The following ADAMTSL1 variants were observed in gnomAD, a reference collection of about 807,000 sequenced individuals.
ADAMTSL1 encodes the protein ADAMTS like 1.
A neutral mutation model predicts 201.8 loss-of-function variants in ADAMTSL1; 126 were observed. The ratio of observed to expected loss-of-function variants is 0.62; its 90% CI spans 0.54 to 0.72. The LOEUF (loss-of-function observed/expected upper bound fraction) is 0.72, where lower values mean the gene tolerates loss of function less well. Ranked by LOEUF, ADAMTSL1 falls within the 30% of genes least tolerant of loss-of-function variation. The probability of loss-of-function intolerance (pLI) is 0.00; values close to 1 mark genes in which losing one functional copy is unlikely to be tolerated. For synonymous variants in ADAMTSL1, 1,121 were observed against 903.4 expected, an observed-to-expected ratio of 1.24 and a Z score of -4.32; for missense variants, 2,679 against 2,277.8, an observed-to-expected ratio of 1.18 and a Z score of -3.59.
At chr9:17,936,207 A>T (rs1827003057) in intron 1 of ADAMTSL1, among the ~76,000 whole-genome samples, 2 of 152,146 alleles carry the variant, frequency 1.3e-5, no homozygotes, top group Admixed American at 1.3e-4. Flanking sequence ...CTGGTGCCTT[A>T]TGTCATTTTA....
At chr9:18,356,868 C>T (rs1836268719) in intron 2 of ADAMTSL1, among the ~76,000 whole-genome samples, 1 of 152,200 alleles carries the variant, frequency 6.6e-6, no homozygotes, top group African/African-American at 2.4e-5. Flanking sequence ...AAACTTTTCA[C>T]ATACCACACA....
At chr9:18,667,454 G>T (rs376136413) in intron 9 of ADAMTSL1, among the ~76,000 whole-genome samples, 20 of 152,086 alleles carry the variant, frequency 1.3e-4, no homozygotes, top group Admixed American at 3.9e-4. Flanking sequence ...GGCATAAAAC[G>T]TCCTGGCTTG....
intron 10 of ADAMTSL1, 76 bp downstream of exon 10, chr9:18,675,983 A>G (rs1830110465): frequency 1.6e-6 from 2 of 1,280,010 alleles, no homozygotes; most frequent in South Asian, 1.2e-5. Flanking sequence ...ATAGAGATAT[A>G]CATATACATA....
intron 1 of ADAMTSL1, among the ~76,000 whole-genome samples, chr9:18,065,339 G>T (rs567919456): frequency 6.6e-6 from 1 of 152,118 alleles, no homozygotes; most frequent in Non-Finnish European, 1.5e-5. Flanking sequence ...TAAGGATTTA[G>T]GTTTTCATCT....
Position 18,908,706 on chromosome 9 carries a change from G to C in ADAMTSL1, c.*158G>C. ...CCTCCACCTCCACCTTCAAGCATAA[G>C]GACGTCCGCGTGTTTTCTCTTTCAG... On this transcript the variant is annotated 3_prime_UTR_variant, in exon 29 of 29. Transcript: ENST00000380548. 3 of 598,848 alleles carry C rather than the reference G, an allele frequency of 5.0e-6. No homozygotes were observed. The highest frequency in any genetic ancestry group is 4.0e-5 in the South Asian group (2 of 49,768). 37.1% of individuals were successfully genotyped at this position (598,848 alleles called of 1,614,324 possible). A position where few individuals can be genotyped will look rare whatever the true frequency, so the allele number is the denominator to read the frequency against.
chr9:18,173,640 G>A (rs7039554), intron 2 of ADAMTSL1, among the ~76,000 whole-genome samples: 146,255 of 152,228 alleles, frequency 0.96, 70,567 homozygotes, highest in East Asian at 1. Context: ...TAATTATCTA[G>A]AAGACATTGG....
intron 2 of ADAMTSL1, among the ~76,000 whole-genome samples, chr9:18,246,761 T>C (rs1010069036): frequency 2.6e-5 from 4 of 152,178 alleles, no homozygotes; most frequent in African/African-American, 4.8e-5. Context: ...CATACACACA[T>C]GCACATATGC....
At chr9:18,154,947 A>G (rs1287796748) in intron 1 of ADAMTSL1, among the ~76,000 whole-genome samples, 3 of 151,952 alleles carry the variant, frequency 2.0e-5, no homozygotes, top group Non-Finnish European at 2.9e-5. Flanking sequence ...GTGTATTTAC[A>G]TTTTTCAGAG....
intron 21 of ADAMTSL1, among the ~76,000 whole-genome samples, chr9:18,825,667 GAC>G (rs773453907): frequency 1.4e-3 from 212 of 152,106 alleles, no homozygotes; most frequent in Admixed American, 3.9e-3. Flanking sequence ...CCCCGGTCAA[GAC>G]ACAGAGCATC....
At chr9:18,593,878 T>C (rs1327423324) in intron 4 of ADAMTSL1, among the ~76,000 whole-genome samples, 1 of 152,138 alleles carries the variant, frequency 6.6e-6, no homozygotes, top group Non-Finnish European at 1.5e-5. Flanking sequence ...ATTATGTGTA[T>C]TCTGCAGCCA....
At chr9:18,148,043 G>A (rs1464534250) in intron 1 of ADAMTSL1, among the ~76,000 whole-genome samples, 1 of 152,026 alleles carries the variant, frequency 6.6e-6, no homozygotes, top group Non-Finnish European at 1.5e-5. Flanking sequence ...CTCTTATAAT[G>A]TAGTAGAAGC....
At chr9:18,893,353 G>A (rs537664973) in intron 26 of ADAMTSL1, among the ~76,000 whole-genome samples, 1 of 152,092 alleles carries the variant, frequency 6.6e-6, no homozygotes, top group African/African-American at 2.4e-5. Context: ...ACTCAAGGAG[G>A]GACGTATGGT....
chr9:17,913,547 T>C (rs1182081721), intron 1 of ADAMTSL1, among the ~76,000 whole-genome samples: 1 of 152,018 alleles, frequency 6.6e-6, no homozygotes, highest in Non-Finnish European at 1.5e-5. Context: ...TTTATAGCAC[T>C]AAATGCCCAC....
rs193167667 is a variant in ADAMTSL1, at chr9:18,393,598, A to G, written c.208-111231A>G. ...TCATTGAGGTTGGCTCCCAACATCC[A>G]TTTCACCCTAGTAACCTTCTACCCT... On this transcript the variant is annotated intron_variant, in intron 2 of 29. Transcript: ENST00000680146. Among the ~76,000 whole-genome samples the G allele has an allele frequency of 2.3e-3, 354 of 152,342 alleles. 2 individuals carry two copies. Among genetic ancestry groups the G allele is most frequent in the African/African-American group, 7.8e-3 (324 of 41,580 alleles).
chr9:18,258,694 G>T (rs940469399), intron 2 of ADAMTSL1, among the ~76,000 whole-genome samples: 3 of 152,144 alleles, frequency 2.0e-5, no homozygotes, highest in Non-Finnish European at 2.9e-5. Context: ...GAGTCTTCCA[G>T]TAGCGCTTCT....
intron 1 of ADAMTSL1, among the ~76,000 whole-genome samples, chr9:18,026,393 T>A (rs979326856): frequency 6.6e-6 from 1 of 152,038 alleles, no homozygotes; most frequent in Non-Finnish European, 1.5e-5. Flanking sequence ...CAATGGCTAC[T>A]TTGTTTAGGG....
intron 23 of ADAMTSL1, among the ~76,000 whole-genome samples, chr9:18,849,284 C>A (rs566767439): frequency 6.6e-6 from 1 of 152,230 alleles, no homozygotes; most frequent in South Asian, 2.1e-4. Flanking sequence ...CTTTATCATC[C>A]GTCCCACATA....
intron 2 of ADAMTSL1, among the ~76,000 whole-genome samples, chr9:18,220,010 C>T (rs896890494): frequency 6.6e-6 from 1 of 151,782 alleles, no homozygotes; most frequent in South Asian, 2.1e-4. Context: ...TTTTTTATTT[C>T]ATTGGCTAGG....
intron 2 of ADAMTSL1, among the ~76,000 whole-genome samples, chr9:18,209,483 C>G (rs1829785370): frequency 1.3e-5 from 2 of 152,084 alleles, no homozygotes; most frequent in South Asian, 4.1e-4. Context: ...AAAACGCAAA[C>G]CCTGCCTAAA....
Sources: allele counts gnomAD v4.1 joint callset (sites outside exome capture counted in the v4.1 genomes callset), GRCh38; gene constraint gnomAD v4.1.1; transcripts MANE v1.5; gene names NCBI Gene and HGNC (gene_info 2026-07-23, HGNC 2026-07-21).